SPAG17: variants seen among roughly 807,000 people sequenced by gnomAD.
SPAG17 encodes sperm associated antigen 17.
SPAG17 carries 169 observed loss-of-function variants against 273.6 expected under a neutral mutation model. The observed-to-expected ratio is 0.62, with a 90% CI of 0.55 to 0.70. The LOEUF (loss-of-function observed/expected upper bound fraction) is 0.70, where lower values mean the gene tolerates loss of function less well. Ranked by LOEUF, SPAG17 falls within the 30% of genes least tolerant of loss-of-function variation. SPAG17 has a pLI of 0.00. For missense variants in SPAG17, 2,557 were observed against 2,627.8 expected (o/e 0.97, Z 0.59); for synonymous variants, 825 against 873.2 (o/e 0.94, Z 0.97).
At chr1:117,992,776 A>G in intron 35 of SPAG17, 128 bp from the exon 36 acceptor site, 1 of 838,514 alleles carries the variant, frequency 1.2e-6, no homozygotes, top group Non-Finnish European at 1.7e-6. Flanking sequence ...GGTGAAAAAA[A>G]ATCCTTAACC....
chr1:118,025,705 G>A (rs574310368), intron 26 of SPAG17, among the ~76,000 whole-genome samples: 2 of 151,992 alleles, frequency 1.3e-5, no homozygotes, highest in East Asian at 1.9e-4. Context: ...TTGGCTAGGC[G>A]GGTCTCAAAC....
rs745457838 is a variant in SPAG17 at position 118,008,118 on chromosome 1, A to G, written c.4513T>C (p.Cys1505Arg). 6.2e-7 allele frequency: 1 copy of G among 1,614,074 alleles called. No individual in the cohort carries two copies. The highest frequency in any genetic ancestry group is 2.2e-5 in the East Asian group (1 of 44,860). The change falls in exon 31 of 49, where the codon TGT becomes CGT. Residue 1505 changes from cysteine (C) to arginine (R), a missense_variant. Transcript: ENST00000336338. ...GTGGCACAGCAGCTACTGTCCTCAC[A>G]GTTGGCGATAACAGTGGCATAGCGT... ...SSRYATVIAN[C>R]EDSSCCATFG...
At chr1:118,109,812 T>C (rs988621193) in intron 4 of SPAG17, among the ~76,000 whole-genome samples, 2 of 152,074 alleles carry the variant, frequency 1.3e-5, no homozygotes, top group Admixed American at 6.6e-5. Context: ...GGACAAGAGA[T>C]AGGCTAAACA....
At chr1:117,971,684 C>G (rs1379793111) in intron 45 of SPAG17, 179 bp downstream of exon 45, 2 of 475,552 alleles carry the variant, frequency 4.2e-6, no homozygotes, top group South Asian at 5.3e-5. Context: ...GATAAACACT[C>G]ACTGATTTGT....
Position 117,969,613 on chromosome 1 carries a change from TATG to T in SPAG17, c.6387+440_6387+442del, listed in dbSNP as rs202014370. ...AAATAAATAAATATAAATAAACAAATATGATTTCTTAGTATGGCATTAAATAAT... is the reference window on the plus strand; with the variant it reads ...AAATAAATAAATATAAATAAACAAATATTTCTTAGTATGGCATTAAATAAT... On this transcript the variant is annotated intron_variant, in intron 46 of 48. Transcript: ENST00000336338. Among the ~76,000 whole-genome samples the T allele has an allele frequency of 1.0e-2, 1,515 of 152,118 alleles. 20 individuals carry two copies. Among genetic ancestry groups the T allele is most frequent in the African/African-American group, 0.035 (1,459 of 41,506 alleles).
intron 33 of SPAG17, 41 bp from the exon 34 acceptor site, chr1:117,996,541 G>A (rs371378647): frequency 2.9e-5 from 47 of 1,603,574 alleles, no homozygotes; most frequent in Middle Eastern, 1.7e-4. Context: ...CAAGTATTCC[G>A]TTAAAATTCT....
chr1:117,997,911 T>C (rs1478075409), intron 32 of SPAG17, among the ~76,000 whole-genome samples: 1 of 152,208 alleles, frequency 6.6e-6, no homozygotes, highest in Non-Finnish European at 1.5e-5. Context: ...TGGCCATAGT[T>C]TGCCAATTCC....
intron 43 of SPAG17, among the ~76,000 whole-genome samples, chr1:117,975,062 G>A (rs772624970): frequency 6.6e-5 from 10 of 152,110 alleles, no homozygotes; most frequent in Non-Finnish European, 1.0e-4. Flanking sequence ...AGCGGACAGC[G>A]ATAACCCCAT....
intron 20 of SPAG17, among the ~76,000 whole-genome samples, chr1:118,042,399 G>C (rs1210530675): frequency 1.3e-5 from 2 of 152,022 alleles, no homozygotes; most frequent in Non-Finnish European, 2.9e-5. Context: ...CTTTAATTTA[G>C]GTCCTAAAGA....
chr1:118,005,590 T>G lies in SPAG17; in HGVS notation c.4600A>C (p.Asn1534His). 1 of 1,520,602 alleles carries G rather than the reference T, an allele frequency of 6.6e-7. No individual in the cohort carries two copies. The highest frequency in any genetic ancestry group is 8.8e-7 in the Non-Finnish European group (1 of 1,132,556). The allele number at this position is 1,520,602 out of a possible 1,614,324, so 94.2% of individuals were successfully genotyped here. A position where few individuals can be genotyped will look rare whatever the true frequency, so the allele number is the denominator to read the frequency against. Residue 1534 changes from asparagine (N) to histidine (H), a missense_variant, in exon 32 of 49, where the codon AAC (asparagine) becomes CAC (histidine). Transcript: ENST00000336338. Reference sequence around the variant, plus strand: ...TTGTCAATATAAAGAGAGCCTGTGTTTGGAGGTAACACCTGAAAGAGTAAC... The same window carrying G: ...TTGTCAATATAAAGAGAGCCTGTGTGTGGAGGTAACACCTGAAAGAGTAAC... ...PQGTYQVLPP[N>H]TGSLYIDKDC...
At chr1:118,143,759 G>A (rs1373268883) in intron 3 of SPAG17, among the ~76,000 whole-genome samples, 1 of 152,240 alleles carries the variant, frequency 6.6e-6, no homozygotes, top group South Asian at 2.1e-4. Context: ...GTAGAGTATA[G>A]GGTGTTAAGA....
Position 118,074,618 on chromosome 1 carries a change from C to T in SPAG17, c.2210-18G>A, listed in dbSNP as rs748041542. The T allele has an allele frequency of 6.2e-7, 1 of 1,610,116 alleles. No individual in the cohort carries two copies. Among genetic ancestry groups the T allele is most frequent in the Non-Finnish European group, 8.5e-7 (1 of 1,176,780 alleles). On this transcript the variant is annotated intron_variant, in intron 15 of 48. Transcript: ENST00000336338. Reference sequence around the variant, plus strand: ...GGTCTGCTCTGCAAATCAAAGACACCAACATCCAGTTGTGTTCTGGCTTTG... The same window carrying T: ...GGTCTGCTCTGCAAATCAAAGACACTAACATCCAGTTGTGTTCTGGCTTTG...
At chr1:117,975,171 A>C (rs1408273314) in intron 43 of SPAG17, among the ~76,000 whole-genome samples, 1 of 152,124 alleles carries the variant, frequency 6.6e-6, no homozygotes, top group East Asian at 1.9e-4. Context: ...GTAGGAGAGG[A>C]TAAAACCAAA....
rs765765972 is a variant in SPAG17 at position 118,185,100 on chromosome 1, G to A, written c.58C>T (p.Pro20Ser). ...TVNTSSKIWE[P>S]SLIAAQFNQN... ...TTGAACTGTGCAGCTATGAGCGAGG[G>A]TTCCCATATCTTAGAACTGGTGTTC... Residue 20 changes from proline (P) to serine (S), a missense_variant, in exon 1 of 49, where the codon CCC (proline) becomes TCC (serine). Pro to Ser is a moderately conservative substitution (Grantham distance 74). Coordinates refer to ENST00000336338, the MANE Select transcript of SPAG17 (RefSeq NM_206996.4). 6 of 1,614,164 alleles carry A rather than the reference G, an allele frequency of 3.7e-6. No individual in the cohort carries two copies. The South Asian group carries it at 6.6e-5, about 18-fold the overall frequency.
intron 3 of SPAG17, among the ~76,000 whole-genome samples, chr1:118,140,939 C>T (rs1208011059): frequency 2.0e-5 from 3 of 152,162 alleles, no homozygotes; most frequent in African/African-American, 4.8e-5. Flanking sequence ...TACAGGCACC[C>T]GGGCCTTCTT....
Position 118,161,675 on chromosome 1 carries a change from C to G in SPAG17, c.88-10306G>C, listed in dbSNP as rs1413346586. 3.3e-5 allele frequency among the ~76,000 whole-genome samples: 5 copies of G among 152,154 alleles called. No individual in the cohort carries two copies. In the East Asian group the frequency reaches 9.7e-4, roughly 30 times the overall value. On this transcript the variant is annotated intron_variant, in intron 1 of 48. Coordinates refer to ENST00000336338, the MANE Select transcript of SPAG17 (RefSeq NM_206996.4). ...GCCTCAGCCTCCTGAGTAGCTGGGA[C>G]TACAGGCGCCCGCCCCCACCTGGCT...
chr1:118,063,646 A>G (rs1652604440), intron 18 of SPAG17, among the ~76,000 whole-genome samples: 1 of 152,250 alleles, frequency 6.6e-6, no homozygotes, highest in African/African-American at 2.4e-5. Context: ...AAGAAAACCT[A>G]GGCAATACCA....
chr1:118,085,538 G>GCA (rs372317004), intron 13 of SPAG17, among the ~76,000 whole-genome samples: 1,705 of 149,672 alleles, frequency 0.011, 15 homozygotes, highest in Middle Eastern at 0.035. Context: ...GTGCGCGCGC[G>GCA]CACACACACA....
rs1659165058 is a variant in SPAG17, at chr1:118,148,296, C to A, written c.315+2247G>T. ...TGAAGCCACTGACTTCGTGGTGTTA[C>A]AGCTCTTAAAGTTGGTGCAGATCCA... On this transcript the variant is annotated intron_variant, in intron 3 of 48. Coordinates refer to ENST00000336338, the MANE Select transcript of SPAG17 (RefSeq NM_206996.4). Among the ~76,000 whole-genome samples, 3 of 152,288 alleles carry A rather than the reference C, an allele frequency of 2.0e-5. No individual in the cohort carries two copies. In the South Asian group the frequency reaches 6.2e-4, roughly 32 times the overall value.
Sources: allele counts gnomAD v4.1 joint callset (sites outside exome capture counted in the v4.1 genomes callset), GRCh38; gene constraint gnomAD v4.1.1; transcripts MANE v1.5; gene names NCBI Gene and HGNC (gene_info 2026-07-23, HGNC 2026-07-21).